The following TMEM62 variants were observed in gnomAD, a reference collection of about 807,000 sequenced individuals.
TMEM62 encodes the protein transmembrane protein 62.
TMEM62 carries 41 observed loss-of-function variants against 70.4 expected under a neutral mutation model. That is an observed-to-expected ratio of 0.58 (90% CI 0.45 to 0.76). The LOEUF (loss-of-function observed/expected upper bound fraction) is 0.76. Among genes scored for constraint, TMEM62 ranks in the 30% least tolerant of loss-of-function variants. The pLI is 0.00. For synonymous variants in TMEM62, 268 were observed against 291.0 expected, an observed-to-expected ratio of 0.92 and a Z score of 0.80; for missense variants, 688 against 788.5, an observed-to-expected ratio of 0.87 and a Z score of 1.53.
chr15:43,169,589 G>A lies in TMEM62; in HGVS notation c.1297-4G>A. On this transcript the variant is annotated splice_polypyrimidine_tract_variant and splice_region_variant and intron_variant, in intron 10 of 13. Transcript: ENST00000260403. ...ATTTCACGTTAACATCTATTTCCCTGCAGGCCCGGGTCCTTTTTGTGCTGA... is the reference window on the plus strand; with the variant it reads ...ATTTCACGTTAACATCTATTTCCCTACAGGCCCGGGTCCTTTTTGTGCTGA... 1 of 1,613,036 alleles carries A rather than the reference G, an allele frequency of 6.2e-7. No homozygotes were observed. Among genetic ancestry groups the A allele is most frequent in the South Asian group, 1.1e-5 (1 of 90,834 alleles).
chr15:43,138,333 A>C (rs2035520861), intron 3 of TMEM62, among the ~76,000 whole-genome samples: 1 of 152,104 alleles, frequency 6.6e-6, no homozygotes, highest in Non-Finnish European at 1.5e-5. Flanking sequence ...CCTTAGGCTA[A>C]GCACTTCTAG....
At chr15:43,159,602 TC>T (rs1279411638) in intron 9 of TMEM62, among the ~76,000 whole-genome samples, 1 of 152,240 alleles carries the variant, frequency 6.6e-6, no homozygotes, top group African/African-American at 2.4e-5. Flanking sequence ...TGAATAGTAC[TC>T]TATTATGTAT....
chr15:43,140,043 C>CCA lies in TMEM62; in HGVS notation c.476+1424_476+1425insCA, dbSNP rs1392493704. Among the ~76,000 whole-genome samples the CCA allele has an allele frequency of 1.6e-4, 25 of 152,274 alleles. No individual in the cohort carries two copies. In the East Asian group the frequency reaches 4.6e-3, roughly 28 times the overall value. On this transcript the variant is annotated intron_variant, in intron 4 of 13. Coordinates refer to ENST00000260403, the MANE Select transcript of TMEM62 (RefSeq NM_024956.4). Reference sequence around the variant, plus strand: ...TCAATCCCTGGCTTCAAAGGATGGGCTGACTATTGCTAGAGGTCCATGCAG... The same window carrying CCA: ...TCAATCCCTGGCTTCAAAGGATGGGCCATGACTATTGCTAGAGGTCCATGCAG...
chr15:43,146,475 C>T lies in TMEM62; in HGVS notation c.477-18C>T, dbSNP rs749188058. The stretch of plus-strand genomic sequence containing the variant: ...GTCTTTTTATTACACTAACACCCTC[C>T]TGTCTTCTATTTTTTAGGAAATATT... On this transcript the variant is annotated intron_variant, in intron 4 of 13. Transcript: ENST00000260403. 1.9e-6 allele frequency: 3 copies of T among 1,601,850 alleles called. No individual in the cohort carries two copies. The East Asian group carries it at 6.7e-5, about 36-fold the overall frequency.
chr15:43,134,495 AG>A, intron 2 of TMEM62, 127 bp downstream of exon 2: 1 of 689,258 alleles, frequency 1.5e-6, no homozygotes, highest in South Asian at 1.7e-5. Context: ...GAGCTCTGTG[AG>A]GTGGAAGAGA....
chr15:43,184,231 G>A (rs1171047751), intron 13 of TMEM62, 29 bp from the exon 14 acceptor site: 4 of 1,581,680 alleles, frequency 2.5e-6, no homozygotes, highest in African/African-American at 2.7e-5. Context: ...AAGGACTTGG[G>A]AGTAAGCTAT....
chr15:43,174,325 G>A (rs2040515769), intron 11 of TMEM62, among the ~76,000 whole-genome samples: 1 of 152,170 alleles, frequency 6.6e-6, no homozygotes, highest in Non-Finnish European at 1.5e-5. Flanking sequence ...GATAGAGAAG[G>A]GGAGTATTGT....
Position 43,175,747 on chromosome 15 carries a change from G to A in TMEM62, c.1382-2860G>A, listed in dbSNP as rs142522693. 5.4e-3 allele frequency among the ~76,000 whole-genome samples: 827 copies of A among 152,340 alleles called. 7 individuals carry two copies. Among genetic ancestry groups the A allele is most frequent in the African/African-American group, 0.019 (780 of 41,576 alleles). On this transcript the variant is annotated intron_variant, in intron 11 of 13. Coordinates refer to ENST00000260403, the MANE Select transcript of TMEM62 (RefSeq NM_024956.4). ...ACAGCTCCGGTCTACACCTCCCAGC[G>A]TGAGTGACACAGAAGACGGGTGATT...
intron 9 of TMEM62, among the ~76,000 whole-genome samples, chr15:43,155,696 G>C (rs1289387000): frequency 1.3e-5 from 2 of 152,014 alleles, no homozygotes; most frequent in African/African-American, 4.8e-5. Context: ...TTTCATAATA[G>C]GGGCAAATTC....
chr15:43,169,535 A>T, intron 10 of TMEM62, 58 bp from the exon 11 acceptor site: 1 of 1,453,534 alleles, frequency 6.9e-7, no homozygotes, highest in Non-Finnish European at 9.6e-7. Flanking sequence ...TACTTTAAAA[A>T]TCTTAACTGA....
intron 10 of TMEM62, among the ~76,000 whole-genome samples, chr15:43,166,605 G>A (rs2039449499): frequency 6.6e-6 from 1 of 151,646 alleles, no homozygotes; most frequent in Admixed American, 6.6e-5. Flanking sequence ...TCTCGCAGAG[G>A]GGGATTTGGC....
chr15:43,140,070 T>C (rs1044966398), intron 4 of TMEM62, among the ~76,000 whole-genome samples: 3 of 152,200 alleles, frequency 2.0e-5, no homozygotes, highest in African/African-American at 7.2e-5. Context: ...TCCATGCAGC[T>C]GATTTTTTTT....
intron 7 of TMEM62, 88 bp from the exon 8 acceptor site, chr15:43,151,702 T>C (rs559957162): frequency 3.1e-5 from 35 of 1,136,064 alleles, no homozygotes; most frequent in Non-Finnish European, 3.8e-5. Context: ...GTCCTAGTTA[T>C]GTATTTTTAT....
chr15:43,146,772 C>A, intron 5 of TMEM62, 138 bp downstream of exon 5: 1 of 771,042 alleles, frequency 1.3e-6, no homozygotes, highest in Non-Finnish European at 2.0e-6. Context: ...ACAGGTATGG[C>A]TAGAAGTTAC....
At chr15:43,157,989 C>T (rs1430655604) in intron 9 of TMEM62, among the ~76,000 whole-genome samples, 2 of 152,070 alleles carry the variant, frequency 1.3e-5, no homozygotes, top group African/African-American at 4.8e-5. Flanking sequence ...TCCCTTACCT[C>T]CCCCCTCTTT....
chr15:43,182,641 A>G (rs1342575151), intron 13 of TMEM62, among the ~76,000 whole-genome samples: 1 of 151,700 alleles, frequency 6.6e-6, no homozygotes, highest in Non-Finnish European at 1.5e-5. Context: ...TTTAGTAGAG[A>G]CAGGGTTTCA....
chr15:43,137,007 T>G (rs1245655508), intron 3 of TMEM62, among the ~76,000 whole-genome samples: 2 of 151,898 alleles, frequency 1.3e-5, no homozygotes, highest in African/African-American at 4.8e-5. Context: ...CCTACCTCAT[T>G]CTCCCAAAGT....
intron 12 of TMEM62, among the ~76,000 whole-genome samples, chr15:43,179,066 T>C (rs2142096849): frequency 6.6e-6 from 1 of 152,330 alleles, no homozygotes; most frequent in South Asian, 2.1e-4. Context: ...TCAGAATTTA[T>C]ACCTATCTTC....
At chr15:43,166,991 C>T (rs1376583573) in intron 10 of TMEM62, among the ~76,000 whole-genome samples, 10 of 152,246 alleles carry the variant, frequency 6.6e-5, no homozygotes, top group Non-Finnish European at 1.5e-5. Flanking sequence ...CCACCTTCCC[C>T]CCTTTCTATT....
Sources: gnomAD v4.1 joint callset for allele counts (sites outside exome capture counted in the v4.1 genomes callset) on GRCh38, gnomAD v4.1.1 for gene constraint, MANE v1.5 for transcripts, NCBI Gene and HGNC (gene_info 2026-07-23, HGNC 2026-07-21) for gene names.